RIT2: variants seen among roughly 807,000 people sequenced by gnomAD.
RIT2 encodes GTP-binding protein Rit2.
Under a neutral mutation model 23.7 loss-of-function variants are expected in RIT2, and 24 were observed. The ratio of observed to expected loss-of-function variants is 1.01; its 90% CI spans 0.73 to 1.43. The LOEUF is 1.43. Among genes scored for constraint, RIT2 ranks in the 40% most tolerant of loss-of-function variants. The pLI is 0.00. For missense variants in RIT2, 236 were observed against 266.9 expected, an observed-to-expected ratio of 0.88 and a Z score of 0.81; for synonymous variants, 107 against 91.1, an observed-to-expected ratio of 1.17 and a Z score of -0.99.
intron 2 of RIT2, among the ~76,000 whole-genome samples, chr18:42,991,677 C>T (rs1200031427): frequency 6.6e-6 from 1 of 152,058 alleles, no homozygotes; most frequent in Non-Finnish European, 1.5e-5. Context: ...CCTGTTCCTG[C>T]CTTAACTGAT....
At chr18:43,006,779 A>G (rs950251571) in intron 2 of RIT2, among the ~76,000 whole-genome samples, 3 of 151,642 alleles carry the variant, frequency 2.0e-5, no homozygotes, top group African/African-American at 4.8e-5. Flanking sequence ...AGAAGACAGC[A>G]AATATTAAAA....
intron 4 of RIT2, among the ~76,000 whole-genome samples, chr18:42,791,611 A>C (rs1037324622): frequency 6.6e-6 from 1 of 152,230 alleles, no homozygotes; most frequent in African/African-American, 2.4e-5. Flanking sequence ...TAAGATTGTT[A>C]AATCTTAATT....
chr18:43,115,103 C>G (rs1205830500), intron 1 of RIT2, among the ~76,000 whole-genome samples: 2 of 152,038 alleles, frequency 1.3e-5, no homozygotes, highest in Non-Finnish European at 2.9e-5. Context: ...TTTCTCATAC[C>G]ATGACAATTT....
intron 2 of RIT2, among the ~76,000 whole-genome samples, chr18:43,026,278 G>A (rs532346042): frequency 3.3e-5 from 5 of 152,096 alleles, no homozygotes; most frequent in South Asian, 2.1e-4. Flanking sequence ...AAGGTTGGCC[G>A]GGCACGGTGG....
intron 3 of RIT2, among the ~76,000 whole-genome samples, chr18:42,970,586 A>G (rs894258457): frequency 2.0e-5 from 3 of 152,036 alleles, no homozygotes; most frequent in Admixed American, 1.3e-4. Flanking sequence ...TCTTTTGAAG[A>G]CCCTCATTGA....
intron 4 of RIT2, among the ~76,000 whole-genome samples, chr18:42,866,311 T>C (rs576180242): frequency 6.6e-6 from 1 of 152,252 alleles, no homozygotes; most frequent in South Asian, 2.1e-4. Context: ...AAGAAACCTA[T>C]AATGTTGATT....
intron 4 of RIT2, among the ~76,000 whole-genome samples, chr18:42,862,288 TGAA>T (rs1257556994): frequency 1.3e-5 from 2 of 152,106 alleles, no homozygotes; most frequent in Middle Eastern, 6.3e-3. Context: ...TGCCACCACG[TGAA>T]GAAGGTCATT....
intron 1 of RIT2, among the ~76,000 whole-genome samples, chr18:43,111,464 C>G (rs1215541946): frequency 6.6e-6 from 1 of 151,982 alleles, no homozygotes; most frequent in Non-Finnish European, 1.5e-5. Flanking sequence ...ATTTATAACA[C>G]AAATAAATGA....
chr18:42,884,776 A>G (rs933162665), intron 4 of RIT2, among the ~76,000 whole-genome samples: 1 of 152,244 alleles, frequency 6.6e-6, no homozygotes, highest in African/African-American at 2.4e-5. Flanking sequence ...AGAGAATTTT[A>G]AAACTTACAG....
chr18:42,804,645 T>C (rs1402224170), intron 4 of RIT2, among the ~76,000 whole-genome samples: 1 of 149,656 alleles, frequency 6.7e-6, no homozygotes. Flanking sequence ...GGTTTTTCCA[T>C]ATTAAACACA....
intron 1 of RIT2, among the ~76,000 whole-genome samples, chr18:43,062,613 T>G (rs924174425): frequency 6.6e-6 from 1 of 152,202 alleles, no homozygotes; most frequent in African/African-American, 2.4e-5. Flanking sequence ...GAAGAACCGC[T>G]AAATTGGTGA....
At chr18:43,086,250 A>G (rs1164982578) in intron 1 of RIT2, among the ~76,000 whole-genome samples, 1 of 152,124 alleles carries the variant, frequency 6.6e-6, no homozygotes, top group Non-Finnish European at 1.5e-5. Context: ...AGCATTTTAG[A>G]TTTTTGGATT....
At chr18:42,753,099 TTGA>T (rs1913084969) in intron 4 of RIT2, among the ~76,000 whole-genome samples, 1 of 151,726 alleles carries the variant, frequency 6.6e-6, no homozygotes, top group Non-Finnish European at 1.5e-5. Flanking sequence ...GCATGGGGGG[TTGA>T]TGAGACCACT....
At chr18:43,059,099 C>G (rs1912579278) in intron 1 of RIT2, among the ~76,000 whole-genome samples, 1 of 151,420 alleles carries the variant, frequency 6.6e-6, no homozygotes, top group South Asian at 2.1e-4. Flanking sequence ...TACATTTCCT[C>G]TATATTTTTT....
chr18:42,882,664 T>C (rs1257624489), intron 4 of RIT2, among the ~76,000 whole-genome samples: 3 of 152,210 alleles, frequency 2.0e-5, no homozygotes, highest in Admixed American at 6.6e-5. Context: ...TGGTTTGATA[T>C]GGGTCAATCA....
At chr18:43,038,608 G>C (rs182617567) in intron 1 of RIT2, among the ~76,000 whole-genome samples, 1 of 151,836 alleles carries the variant, frequency 6.6e-6, no homozygotes, top group East Asian at 1.9e-4. Flanking sequence ...TCTTCTTTAA[G>C]TTATTTCTGT....
At chr18:42,797,564 C>T (rs1905404869) in intron 4 of RIT2, among the ~76,000 whole-genome samples, 1 of 152,010 alleles carries the variant, frequency 6.6e-6, no homozygotes, top group Non-Finnish European at 1.5e-5. Context: ...TTGTTTGTTG[C>T]AAAACATGAG....
intron 2 of RIT2, among the ~76,000 whole-genome samples, chr18:43,029,623 T>C (rs538204531): frequency 6.6e-6 from 1 of 152,090 alleles, no homozygotes; most frequent in Non-Finnish European, 1.5e-5. Context: ...TCAGAGATAA[T>C]GAAATAAAAG....
chr18:43,035,968 T>C (rs1911964926), intron 1 of RIT2, among the ~76,000 whole-genome samples: 1 of 152,222 alleles, frequency 6.6e-6, no homozygotes, highest in Non-Finnish European at 1.5e-5. Context: ...GTCACACCAT[T>C]CTATTCACAC....
Sources: gnomAD v4.1 joint callset for allele counts (sites outside exome capture counted in the v4.1 genomes callset) on GRCh38, gnomAD v4.1.1 for gene constraint, MANE v1.5 for transcripts, NCBI Gene and HGNC (gene_info 2026-07-23, HGNC 2026-07-21) for gene names.